The following SAMD5 variants were observed in gnomAD, a reference collection of about 807,000 sequenced individuals.
SAMD5 encodes the protein sterile alpha motif domain-containing protein 5.
In SAMD5, 13 loss-of-function variants were observed where a neutral mutation model predicts 11.3. The observed-to-expected ratio is 1.15, with a 90% CI of 0.75 to 1.83. The LOEUF is 1.83. SAMD5 is among the 40% of genes most tolerant of loss of function. SAMD5 has a pLI of 0.00. For missense variants in SAMD5, 255 were observed against 239.1 expected, an observed-to-expected ratio of 1.07 and a Z score of -0.44; for synonymous variants, 129 against 111.3, an observed-to-expected ratio of 1.16 and a Z score of -1.00.
At chr6:147,706,563 T>C (rs1029521491) in intron 1 of SAMD5, among the ~76,000 whole-genome samples, 1 of 152,204 alleles carries the variant, frequency 6.6e-6, no homozygotes, top group Non-Finnish European at 1.5e-5. Context: ...GGAAAAACAG[T>C]ATAGTTGACT....
intron 1 of SAMD5, among the ~76,000 whole-genome samples, chr6:147,635,700 T>G (rs568273532): frequency 6.6e-6 from 1 of 152,350 alleles, no homozygotes; most frequent in African/African-American, 2.4e-5. Flanking sequence ...TTAAATGTGC[T>G]TGCAACCTTT....
chr6:147,877,157 C>T, the SAMD5 span, among the ~76,000 whole-genome samples: 1 of 151,782 alleles, frequency 6.6e-6, no homozygotes, highest in African/African-American at 2.4e-5. Flanking sequence ...CAAGACAGTC[C>T]AAGTGAAATC....
At chr6:147,536,559 T>A (rs1788512737) in intron 1 of SAMD5, among the ~76,000 whole-genome samples, 1 of 152,222 alleles carries the variant, frequency 6.6e-6, no homozygotes, top group Admixed American at 6.5e-5. Flanking sequence ...GTAGCACAAT[T>A]TTTAAAGTTA....
chr6:147,631,262 T>C (rs1287283409), intron 1 of SAMD5, among the ~76,000 whole-genome samples: 2 of 152,138 alleles, frequency 1.3e-5, no homozygotes, highest in Non-Finnish European at 2.9e-5. Context: ...AAGGTCCGAA[T>C]AAGAGAAGGC....
rs1374135429 is a variant in SAMD5, at chr6:147,569,833, T to C, written c.*5377T>C. The stretch of plus-strand genomic sequence containing the variant: ...TCTAATTGAAAGCAGCAGTTTGGTT[T>C]TGTAAATGTAATTGCAATTGACACT... On this transcript the variant is annotated 3_prime_UTR_variant, in exon 2 of 2. Coordinates refer to ENST00000367474, the MANE Select transcript of SAMD5 (RefSeq NM_001030060.3). 1.0e-6 allele frequency: 1 copy of C among 985,158 alleles called. No individual in the cohort carries two copies. The highest frequency in any genetic ancestry group is 6.1e-5 in the Admixed American group (1 of 16,270). 61.0% of individuals were successfully genotyped at this position (985,158 alleles called of 1,614,324 possible). A position where few individuals can be genotyped will look rare whatever the true frequency, so the allele number is the denominator to read the frequency against.
At chr6:147,674,377 C>T (rs1216692098) in intron 1 of SAMD5, among the ~76,000 whole-genome samples, 2 of 152,156 alleles carry the variant, frequency 1.3e-5, no homozygotes, top group African/African-American at 4.8e-5. Context: ...TTCCTGGTTC[C>T]ACCCTCCCTT....
chr6:147,685,989 C>T (rs112201813), intron 1 of SAMD5, among the ~76,000 whole-genome samples: 1 of 152,212 alleles, frequency 6.6e-6, no homozygotes, highest in African/African-American at 2.4e-5. Context: ...GTTAATACAC[C>T]GTGGCAACTG....
intron 1 of SAMD5, among the ~76,000 whole-genome samples, chr6:147,667,282 GT>G (rs1790736252): frequency 6.6e-6 from 1 of 151,924 alleles, no homozygotes. Flanking sequence ...AATTTGAATC[GT>G]CAGCATCTTT....
intron 1 of SAMD5, among the ~76,000 whole-genome samples, chr6:147,626,539 G>C (rs762162878): frequency 1.3e-5 from 2 of 151,666 alleles, no homozygotes; most frequent in Non-Finnish European, 2.9e-5. Flanking sequence ...TAGATCAGCT[G>C]TATAGTCTTG....
At chr6:147,922,521 T>C in the SAMD5 span, among the ~76,000 whole-genome samples, 1 of 152,136 alleles carries the variant, frequency 6.6e-6, no homozygotes, top group Non-Finnish European at 1.5e-5. Flanking sequence ...CTTACATGTA[T>C]CTCCAGGTTA....
chr6:147,761,658 C>G, the SAMD5 span, among the ~76,000 whole-genome samples: 5 of 152,078 alleles, frequency 3.3e-5, no homozygotes, highest in Non-Finnish European at 7.4e-5. Context: ...TATATCAGAT[C>G]AATAATGGGT....
intron 1 of SAMD5, among the ~76,000 whole-genome samples, chr6:147,727,811 A>G (rs1393775014): frequency 1.3e-5 from 2 of 152,248 alleles, no homozygotes; most frequent in Non-Finnish European, 2.9e-5. Context: ...CAATAAACTT[A>G]AAATGATACT....
At chr6:147,646,367 G>A (rs1790401354) in intron 1 of SAMD5, among the ~76,000 whole-genome samples, 1 of 152,130 alleles carries the variant, frequency 6.6e-6, no homozygotes, top group African/African-American at 2.4e-5. Context: ...AATTGTTTAT[G>A]CTTCATGGAT....
At chr6:147,825,377 G>A in the SAMD5 span, among the ~76,000 whole-genome samples, 1 of 152,116 alleles carries the variant, frequency 6.6e-6, no homozygotes, top group Non-Finnish European at 1.5e-5. Flanking sequence ...CTTCTTTACA[G>A]TCTTTCTAAA....
At chr6:147,939,270 GT>G in the SAMD5 span, among the ~76,000 whole-genome samples, 9 of 152,248 alleles carry the variant, frequency 5.9e-5, no homozygotes, top group East Asian at 1.7e-3. Context: ...TTGTTGAGGG[GT>G]TTTGTGGAGG....
the SAMD5 span, among the ~76,000 whole-genome samples, chr6:147,896,270 G>T: frequency 2.0e-5 from 3 of 151,988 alleles, no homozygotes; most frequent in Non-Finnish European, 4.4e-5. Flanking sequence ...GACGGCCAAG[G>T]TCTGATTCCT....
intron 1 of SAMD5, among the ~76,000 whole-genome samples, chr6:147,628,007 A>C (rs1790084743): frequency 6.6e-6 from 1 of 152,212 alleles, no homozygotes; most frequent in African/African-American, 2.4e-5. Context: ...CTTATCGACT[A>C]CTGAATGAAA....
intron 1 of SAMD5, among the ~76,000 whole-genome samples, chr6:147,721,233 C>G (rs1283951539): frequency 1.4e-4 from 21 of 146,638 alleles, no homozygotes; most frequent in South Asian, 4.5e-4. Flanking sequence ...ATGGCTGGGT[C>G]AAATGGTATT....
At chr6:147,787,161 C>T in the SAMD5 span, among the ~76,000 whole-genome samples, 2 of 152,144 alleles carry the variant, frequency 1.3e-5, no homozygotes, top group Non-Finnish European at 2.9e-5. Context: ...GGGCTCCAAT[C>T]ATAAAGAGTT....
Sources: gnomAD v4.1 joint callset for allele counts (sites outside exome capture counted in the v4.1 genomes callset) on GRCh38, gnomAD v4.1.1 for gene constraint, MANE v1.5 for transcripts, NCBI Gene and HGNC (gene_info 2026-07-23, HGNC 2026-07-21) for gene names.